The following RTEL1 variants were observed in gnomAD, a reference collection of about 807,000 sequenced individuals.
RTEL1 encodes regulator of telomere elongation helicase 1, also known as regulator of telomere length.
In RTEL1, 86 loss-of-function variants were observed where a neutral mutation model predicts 162.2. The ratio of observed to expected loss-of-function variants is 0.53; its 90% CI spans 0.45 to 0.63. The LOEUF is 0.63. Ranked by LOEUF, RTEL1 falls within the 30% of genes least tolerant of loss-of-function variation. The pLI, the probability that RTEL1 is intolerant of heterozygous loss-of-function variation, is 0.00. For missense variants in RTEL1, 1,941 were observed against 1,750.2 expected, an observed-to-expected ratio of 1.11 and a Z score of -1.95; for synonymous variants, 958 against 717.9, an observed-to-expected ratio of 1.33 and a Z score of -5.35.
At chr20:63,687,437 C>T in intron 16 of RTEL1, 1 of 598,802 alleles carries the variant, frequency 1.7e-6, no homozygotes, top group Non-Finnish European at 2.9e-6. Context: ...CCCCCTGTCC[C>T]CCAGAGGGGC....
At chr20:63,689,031 C>T (rs143850370) in intron 21 of RTEL1, 24 bp from the exon 22 acceptor site, 617 of 1,603,376 alleles carry the variant, frequency 3.8e-4, no homozygotes, top group Non-Finnish European at 5.1e-4. Context: ...GCTCCAGGCT[C>T]AGCCTCACCA....
intron 31 of RTEL1, 51 bp from the exon 32 acceptor site, chr20:63,694,690 T>C (rs776058992): frequency 6.8e-7 from 1 of 1,464,220 alleles, no homozygotes; most frequent in South Asian, 1.2e-5. Flanking sequence ...GCGGTGGGAC[T>C]CTCAGTCCTC....
In RTEL1 at chr20:63,661,518, C is replaced by A; in HGVS notation, c.301+22C>A. ...ATAGGTGACCCTAGTTCCCAGGCCT[C>A]TCCTGGCCTCCTGTGGGGATGGTTG... On this transcript the variant is annotated intron_variant, in intron 3 of 34. Coordinates refer to ENST00000360203, the MANE Select transcript of RTEL1 (RefSeq NM_001283009.2). This position sits in a 1 kb window ranked among gnomAD's most constrained non-coding sequence, Gnocchi z 5.1. 1 of 1,596,878 alleles carries A rather than the reference C, an allele frequency of 6.3e-7. No individual in the cohort carries two copies.
rs757708000 is a variant in RTEL1, at chr20:63,659,520, C to CGT, written c.102+17_102+18insTG. On this transcript the variant is annotated intron_variant, in intron 2 of 34. Coordinates refer to ENST00000360203, the MANE Select transcript of RTEL1 (RefSeq NM_001283009.2). ...TCTGCAGCAGGTAGAGCACAGGCCC[C>CGT]GAGGAAAGGACTGCGGGTGGGTGGA... is the stretch of plus-strand genomic sequence containing the variant. 2.3e-5 allele frequency: 37 copies of CGT among 1,588,842 alleles called. No homozygotes were observed. In the African/African-American group the frequency reaches 3.4e-4, roughly 14 times the overall value.
chr20:63,665,597 G>A (rs1025971504), intron 6 of RTEL1, among the ~76,000 whole-genome samples: 1 of 152,224 alleles, frequency 6.6e-6, no homozygotes, highest in African/African-American at 2.4e-5. Flanking sequence ...AATCACAGGG[G>A]CACCTGCAGG....
chr20:63,695,492 G>A lies in RTEL1; in HGVS notation c.3664G>A (p.Gly1222Arg). 6.2e-7 allele frequency: 1 copy of A among 1,610,296 alleles called. No homozygotes were observed. Among genetic ancestry groups the A allele is most frequent in the Non-Finnish European group, 8.5e-7 (1 of 1,178,690 alleles). Residue 1222 changes from glycine (G) to arginine (R), a missense_variant, in exon 34 of 35, where the codon GGG (glycine) becomes AGG (arginine). Coordinates refer to ENST00000360203, the MANE Select transcript of RTEL1 (RefSeq NM_001283009.2). Reference protein sequence around the residue: ...PAASEWGEPHGRDIAGQQATG... With the variant: ...PAASEWGEPHRRDIAGQQATG... The stretch of plus-strand genomic sequence containing the variant: ...AGCATCTGAGTGGGGTGAGCCTCAT[G>A]GGAGAGACATCGCTGGGCAGCAGGC...
At position 63,689,065 on chromosome 20, in the gene RTEL1, C is replaced by G; in HGVS notation, c.1811C>G (p.Ala604Gly). The G allele has an allele frequency of 2.5e-6, 4 of 1,611,070 alleles. No homozygotes were observed. Among genetic ancestry groups the G allele is most frequent in the Non-Finnish European group, 3.4e-6 (4 of 1,179,852 alleles). The change falls in exon 22 of 35, where the codon GCT (alanine) becomes GGT (glycine). Residue 604 changes from alanine (A) to glycine (G), a missense_variant. Ala to Gly is a moderately conservative substitution (Grantham distance 60). Coordinates refer to ENST00000360203, the MANE Select transcript of RTEL1 (RefSeq NM_001283009.2). ...SKGSFSETIS[A>G]YYARVAAPGS... is the part of the protein sequence containing the mutation. ...CAACTTTCCTTCCAGACCATCAGTGCTTACTATGCAAGGGTTGCCGCCCCT... is the reference window on the plus strand; with the variant it reads ...CAACTTTCCTTCCAGACCATCAGTGGTTACTATGCAAGGGTTGCCGCCCCT...
intron 10 of RTEL1, among the ~76,000 whole-genome samples, chr20:63,676,414 C>A (rs1012654275): frequency 7.2e-5 from 11 of 152,272 alleles, no homozygotes; most frequent in Middle Eastern, 3.4e-3. Flanking sequence ...TTGCCGGGCT[C>A]CAGATGGGAC....
Position 63,693,268 on chromosome 20 carries a change from G to C in RTEL1, c.2977G>C (p.Val993Leu). The C allele has an allele frequency of 1.9e-6, 3 of 1,611,802 alleles. No individual in the cohort carries two copies. The highest frequency in any genetic ancestry group is 2.5e-6 in the Non-Finnish European group (3 of 1,179,408). Residue 993 changes from valine to leucine, a missense_variant, in exon 30 of 35, where the codon GTC (valine) becomes CTC (leucine). Coordinates refer to ENST00000360203, the MANE Select transcript of RTEL1 (RefSeq NM_001283009.2). The part of the protein sequence containing the change: ...SIPRRQRAQP[V>L]LDPTGRTAPD... ...TCCCCGAAGGCAGCGGGCACAGCCG[G>C]TCCTGGACCCCACTGGTAAATGGGG...
chr20:63,662,573 G>A lies in RTEL1; in HGVS notation c.423G>A (p.Arg141=), dbSNP rs1032722836. 1 of 1,614,084 alleles carries A rather than the reference G, an allele frequency of 6.2e-7. No individual in the cohort carries two copies. The highest frequency in any genetic ancestry group is 8.5e-7 in the Non-Finnish European group (1 of 1,180,028). The change falls in exon 5 of 35, where the codon CGG becomes CGA. Residue 141 remains arginine (R), a synonymous_variant. Coordinates refer to ENST00000360203, the MANE Select transcript of RTEL1 (RefSeq NM_001283009.2). ...CTAAGGTGTGTGTGCTGGGCTCCCG[G>A]GAGCAGCTGTGCATCCATCCTGAGG... ...YRPKVCVLGS[R]EQLCIHPEVK... is the part of the protein sequence containing the mutation.
chr20:63,691,670 C>G, intron 27 of RTEL1, 72 bp from the exon 28 acceptor site: 1 of 1,342,026 alleles, frequency 7.5e-7, no homozygotes, highest in South Asian at 1.2e-5. Flanking sequence ...CTTCCCTGTG[C>G]GTCCAGGTGC....
At position 63,660,462 on chromosome 20, in the gene RTEL1, AT is replaced by A. The variant is rs113152955; in HGVS notation, c.103-834del. Among the ~76,000 whole-genome samples, 27 of 152,324 alleles carry A rather than the reference AT, an allele frequency of 1.8e-4. 1 individual carries two copies. The highest frequency in any genetic ancestry group is 6.0e-4 in the African/African-American group (25 of 41,572). On this transcript the variant is annotated intron_variant, in intron 2 of 34. Coordinates refer to ENST00000360203, the MANE Select transcript of RTEL1 (RefSeq NM_001283009.2). Reference sequence around the variant, plus strand: ...TACCAAGCATACTGCCTGTAAACATATTGTTAACAAGGCACGTTCTGCACAG... The same window carrying A: ...TACCAAGCATACTGCCTGTAAACATATGTTAACAAGGCACGTTCTGCACAG...
rs1050454970 is a variant in RTEL1, at chr20:63,668,231, G to A, written c.699+678G>A. 2.0e-5 allele frequency among the ~76,000 whole-genome samples: 3 copies of A among 152,200 alleles called. No homozygotes were observed. Among genetic ancestry groups the A allele is most frequent in the Non-Finnish European group, 4.4e-5 (3 of 68,042 alleles). On this transcript the variant is annotated intron_variant, in intron 8 of 34. Transcript: ENST00000360203. This position sits in a 1 kb window ranked among gnomAD's most constrained non-coding sequence, Gnocchi z 4.3. ...TTGTGCCCCACACTTTTTACTTAGT[G>A]CAGGTGGGATCACACGCCACGGGTC...
intron 12 of RTEL1, 66 bp downstream of exon 12, chr20:63,678,412 C>T: frequency 2.8e-6 from 4 of 1,440,628 alleles, no homozygotes; most frequent in Non-Finnish European, 2.8e-6. Flanking sequence ...GGCCATGGTG[C>T]AGTCCTGGGC....
chr20:63,693,938 C>T (rs935660616), intron 30 of RTEL1, among the ~76,000 whole-genome samples: 7 of 151,170 alleles, frequency 4.6e-5, no homozygotes, highest in South Asian at 2.1e-4. Flanking sequence ...GGTCCTAGAC[C>T]CCTGTCCTCC....
intron 14 of RTEL1, among the ~76,000 whole-genome samples, chr20:63,685,163 C>T (rs2090563701): frequency 6.6e-6 from 1 of 151,708 alleles, no homozygotes; most frequent in South Asian, 2.1e-4. Context: ...GCTGGGATTA[C>T]AGGCCTGAGC....
intron 29 of RTEL1, 49 bp downstream of exon 29, chr20:63,693,052 G>T (rs368646538): frequency 6.2e-7 from 1 of 1,609,716 alleles, no homozygotes; most frequent in East Asian, 2.2e-5. Context: ...TGCTGCCGCC[G>T]CGTGTGGGGT....
At chr20:63,694,672 C>A in intron 31 of RTEL1, 69 bp from the exon 32 acceptor site, 1 of 1,377,636 alleles carries the variant, frequency 7.3e-7, no homozygotes, top group Non-Finnish European at 9.8e-7. Context: ...GGAGGAAGGG[C>A]GGGCAGGGCG....
Position 63,689,823 on chromosome 20 carries a change from G to A in RTEL1, c.2099G>A (p.Arg700Gln), listed in dbSNP as rs1416515129. ...AVNQAIGRVI[R>Q]HRQDYGAVFL... The stretch of plus-strand genomic sequence containing the variant: ...AACCAGGCCATCGGGCGAGTGATCC[G>A]GCACCGCCAGGACTACGGAGCTGTC... The change falls in exon 24 of 35, where the codon CGG becomes CAG. Residue 700 changes from arginine to glutamine, a missense_variant. Arg to Gln is a conservative substitution (Grantham distance 43). Transcript: ENST00000360203. 9 of 1,611,594 alleles carry A rather than the reference G, an allele frequency of 5.6e-6. No homozygotes were observed. Among genetic ancestry groups the A allele is most frequent in the African/African-American group, 1.3e-5 (1 of 74,916 alleles).
Sources: allele counts gnomAD v4.1 joint callset (sites outside exome capture counted in the v4.1 genomes callset), GRCh38; gene constraint gnomAD v4.1.1; non-coding constraint Gnocchi (gnomAD v3.1); transcripts MANE v1.5; gene names NCBI Gene and HGNC (gene_info 2026-07-23, HGNC 2026-07-21).